RBFOX1: variants seen among roughly 807,000 people sequenced by gnomAD.
The protein encoded by RBFOX1 is RNA binding fox-1 homolog 1, also known as RNA binding protein fox-1 homolog 1.
A neutral mutation model predicts 57.7 loss-of-function variants in RBFOX1; 8 were observed. The observed-to-expected ratio is 0.14, with a 90% CI of 0.08 to 0.25. The LOEUF is 0.25. Among genes scored for constraint, RBFOX1 ranks in the 10% least tolerant of loss-of-function variants. The pLI is 1.00. For missense variants in RBFOX1, 611 were observed against 548.5 expected, an observed-to-expected ratio of 1.11 and a Z score of -1.14; for synonymous variants, 326 against 222.4, an observed-to-expected ratio of 1.47 and a Z score of -4.15.
intron 4 of RBFOX1, among the ~76,000 whole-genome samples, chr16:7,309,122 G>T (rs2096255982): frequency 6.6e-6 from 1 of 152,212 alleles, no homozygotes; most frequent in Non-Finnish European, 1.5e-5. Context: ...GTGGCTGCCT[G>T]ATAGAAGAAA....
upstream of RBFOX1, among the ~76,000 whole-genome samples, chr16:6,018,645 G>C (rs138994843): frequency 2.0e-5 from 3 of 152,258 alleles, no homozygotes; most frequent in African/African-American, 4.8e-5. Context: ...GATAGGGCTC[G>C]ATCTCTGCCT....
At chr16:7,445,944 C>A (rs570888023) in intron 4 of RBFOX1, among the ~76,000 whole-genome samples, 1 of 152,136 alleles carries the variant, frequency 6.6e-6, no homozygotes, top group Non-Finnish European at 1.5e-5. Context: ...CCCTCCTATG[C>A]CTTTTGTTTT....
intron 3 of RBFOX1, among the ~76,000 whole-genome samples, chr16:5,817,620 G>C (rs2055689208): frequency 6.6e-6 from 1 of 151,892 alleles, no homozygotes; most frequent in Non-Finnish European, 1.5e-5. Context: ...AGAAAGGAGA[G>C]GGGAGAGAGA....
At chr16:6,863,340 C>G (rs1030322740) in intron 3 of RBFOX1, among the ~76,000 whole-genome samples, 1 of 151,976 alleles carries the variant, frequency 6.6e-6, no homozygotes, top group Non-Finnish European at 1.5e-5. Flanking sequence ...CAAAACGTGG[C>G]TCACCAGGAG....
chr16:7,450,626 C>G (rs757737138), intron 4 of RBFOX1, among the ~76,000 whole-genome samples: 2 of 152,044 alleles, frequency 1.3e-5, no homozygotes, highest in African/African-American at 2.4e-5. Flanking sequence ...AGGCTCCTTT[C>G]CAGACCTCTC....
intron 2 of RBFOX1, among the ~76,000 whole-genome samples, chr16:6,517,657 G>A (rs774399926): frequency 9.9e-5 from 15 of 152,202 alleles, no homozygotes; most frequent in Non-Finnish European, 1.8e-4. Flanking sequence ...GTACTTGATG[G>A]CTACAATAAA....
intron 10 of RBFOX1, among the ~76,000 whole-genome samples, chr16:7,608,351 T>A (rs768124891): frequency 6.6e-6 from 1 of 152,158 alleles, no homozygotes; most frequent in Non-Finnish European, 1.5e-5. Context: ...TCTGACAAAA[T>A]TTAAGTTAAA....
At chr16:7,206,332 G>C (rs2089961374) in intron 4 of RBFOX1, among the ~76,000 whole-genome samples, 2 of 151,862 alleles carry the variant, frequency 1.3e-5, no homozygotes, top group South Asian at 4.1e-4. Flanking sequence ...CAATTGGTTT[G>C]ACTTTGCCTT....
intron 4 of RBFOX1, among the ~76,000 whole-genome samples, chr16:7,358,930 C>T (rs900624252): frequency 2.6e-5 from 4 of 152,144 alleles, no homozygotes; most frequent in South Asian, 2.1e-4. Flanking sequence ...CTTGGAATTT[C>T]GGATCCATAA....
At chr16:6,833,529 G>A (rs752830844) in intron 3 of RBFOX1, among the ~76,000 whole-genome samples, 1 of 152,086 alleles carries the variant, frequency 6.6e-6, no homozygotes, top group Non-Finnish European at 1.5e-5. Context: ...AGACTGGAAT[G>A]CCAGCCTGGC....
chr16:7,411,232 C>T (rs867768642), intron 4 of RBFOX1, among the ~76,000 whole-genome samples: 1 of 47,444 alleles, frequency 2.1e-5, no homozygotes, highest in South Asian at 1.3e-3. Flanking sequence ...AGCCACCACA[C>T]CTGGCCAATC....
intron 2 of RBFOX1, among the ~76,000 whole-genome samples, chr16:5,521,172 C>T (rs112283166): frequency 4.3e-4 from 65 of 152,254 alleles, no homozygotes; most frequent in Non-Finnish European, 8.7e-4. Flanking sequence ...AAGCATTCCT[C>T]CCTGAGATGA....
At chr16:6,136,548 T>C (rs1361510672) in intron 1 of RBFOX1, among the ~76,000 whole-genome samples, 4 of 152,232 alleles carry the variant, frequency 2.6e-5, no homozygotes, top group African/African-American at 9.6e-5. Context: ...TTATTATGAA[T>C]GCCTGAGTTC....
intron 3 of RBFOX1, among the ~76,000 whole-genome samples, chr16:6,735,427 A>G (rs994886782): frequency 6.6e-6 from 1 of 152,148 alleles, no homozygotes; most frequent in Non-Finnish European, 1.5e-5. Flanking sequence ...AAATGGATAG[A>G]TATTTTTCTG....
At chr16:5,335,409 T>A (rs1445530629) in intron 1 of RBFOX1, among the ~76,000 whole-genome samples, 1 of 152,168 alleles carries the variant, frequency 6.6e-6, no homozygotes. Context: ...GGCTGGAGTT[T>A]TTCCCGTCAT....
chr16:7,681,040 AAT>A (rs2074598364), intron 14 of RBFOX1, among the ~76,000 whole-genome samples: 1 of 152,170 alleles, frequency 6.6e-6, no homozygotes, highest in Non-Finnish European at 1.5e-5. Flanking sequence ...ACGTAAGTTA[AAT>A]ATGACATTCA....
chr16:7,080,246 G>A (rs988162587), intron 4 of RBFOX1, among the ~76,000 whole-genome samples: 1 of 152,012 alleles, frequency 6.6e-6, no homozygotes, highest in African/African-American at 2.4e-5. Flanking sequence ...ATTTCATGCA[G>A]CGTGGACAGG....
Position 7,499,973 on chromosome 16 carries a change from A to T in RBFOX1, c.28-18174A>T, listed in dbSNP as rs371580263. Among the ~76,000 whole-genome samples, 7 of 152,262 alleles carry T rather than the reference A, an allele frequency of 4.6e-5. No individual in the cohort carries two copies. The South Asian group carries it at 6.2e-4, about 14-fold the overall frequency. ...AAGGGAAACATCTTCCATATTTCCAAAAACCCCTGGTTTTCCTTGAGTACA... is the reference window on the plus strand; with the variant it reads ...AAGGGAAACATCTTCCATATTTCCATAAACCCCTGGTTTTCCTTGAGTACA... On this transcript the variant is annotated intron_variant, in intron 4 of 15. Coordinates refer to ENST00000550418, the MANE Select transcript of RBFOX1 (RefSeq NM_018723.4).
intron 1 of RBFOX1, among the ~76,000 whole-genome samples, chr16:5,456,528 C>T (rs1406850956): frequency 1.3e-5 from 2 of 152,210 alleles, no homozygotes; most frequent in Admixed American, 1.3e-4. Context: ...ATTGATACCA[C>T]TTATTTAATA....
Sources: gnomAD v4.1 joint callset for allele counts (sites outside exome capture counted in the v4.1 genomes callset) on GRCh38, gnomAD v4.1.1 for gene constraint, MANE v1.5 for transcripts, NCBI Gene and HGNC (gene_info 2026-07-23, HGNC 2026-07-21) for gene names.